The following GABRA3 variants were observed in gnomAD, a reference collection of about 807,000 sequenced individuals.
GABRA3 encodes the protein gamma-aminobutyric acid receptor subunit alpha-3.
In GABRA3, 10 loss-of-function variants were observed where a neutral mutation model predicts 30.1. The ratio of observed to expected loss-of-function variants is 0.33; its 90% CI spans 0.20 to 0.56. GABRA3 has a LOEUF of 0.56. Among genes scored for constraint, GABRA3 ranks in the 20% least tolerant of loss-of-function variants. The pLI is 0.89. For missense variants in GABRA3, 233 were observed against 392.0 expected (o/e 0.59, Z 3.42); for synonymous variants, 151 against 146.8 (o/e 1.03, Z -0.21).
intron 1 of GABRA3, among the ~76,000 whole-genome samples, chrX:152,414,136 A>G (rs1303326959): frequency 9.0e-6 from 1 of 111,549 alleles, no homozygotes; most frequent in African/African-American, 3.2e-5. Context: ...CATTCATCCC[A>G]AAGAAATGGA....
At chrX:152,332,367 C>T (rs901874972) in intron 3 of GABRA3, among the ~76,000 whole-genome samples, 15 of 111,584 alleles carry the variant, frequency 1.3e-4, no homozygotes, top group African/African-American at 4.9e-4. Context: ...TCAAAAAAAG[C>T]TATGCTAAGA....
intron 1 of GABRA3, among the ~76,000 whole-genome samples, chrX:152,421,626 T>C (rs1342811245): frequency 3.6e-5 from 4 of 111,510 alleles, no homozygotes; most frequent in Non-Finnish European, 7.5e-5. Flanking sequence ...TGGGAAAAGA[T>C]AACATGCAAT....
intron 4 of GABRA3, among the ~76,000 whole-genome samples, chrX:152,283,324 G>C (rs1047672247): frequency 9.0e-6 from 1 of 111,464 alleles, no homozygotes; most frequent in Non-Finnish European, 1.9e-5. Flanking sequence ...GGAAGCCATG[G>C]AGACTTGGTA....
At chrX:152,173,378 T>A (rs1360820001) in intron 9 of GABRA3, among the ~76,000 whole-genome samples, 2 of 110,907 alleles carry the variant, frequency 1.8e-5, no homozygotes, top group Non-Finnish European at 3.8e-5. Flanking sequence ...GGAAATCTCA[T>A]ACAATGGCTT....
chrX:152,416,723 T>C (rs1432215440), intron 1 of GABRA3, among the ~76,000 whole-genome samples: 1 of 110,419 alleles, frequency 9.1e-6, no homozygotes, highest in East Asian at 2.9e-4. Context: ...TAACACCACA[T>C]ATCTACAACT....
rs1037979689 is a variant in GABRA3, at chrX:152,167,084, T to A, written c.*1144A>T. 1 of 112,179 alleles carries A rather than the reference T, an allele frequency of 8.9e-6. No individual in the cohort carries two copies. The highest frequency in any genetic ancestry group is 3.2e-5 in the African/African-American group (1 of 30,825). 9.2% of individuals were successfully genotyped at this position (112,179 alleles called of 1,213,427 possible). A position where few individuals can be genotyped will look rare whatever the true frequency, so the allele number is the denominator to read the frequency against. On this transcript the variant is annotated 3_prime_UTR_variant, in exon 10 of 10. Coordinates refer to ENST00000370314, the MANE Select transcript of GABRA3 (RefSeq NM_000808.4). ...CTCAATATTGACTAGAGATATTTAT[T>A]TGTATGAATTTCCAATTCACCCCTC...
At chrX:152,343,256 G>C (rs1358479038) in intron 3 of GABRA3, among the ~76,000 whole-genome samples, 1 of 111,234 alleles carries the variant, frequency 9.0e-6, no homozygotes, top group Non-Finnish European at 1.9e-5. Context: ...GGCAGTTAAG[G>C]ATCAGCAATC....
intron 5 of GABRA3, among the ~76,000 whole-genome samples, chrX:152,228,665 CTT>C (rs1433150670): frequency 8.9e-6 from 1 of 111,768 alleles, no homozygotes; most frequent in Admixed American, 9.5e-5. Context: ...GTGTCTGGTT[CTT>C]TGAGTCATGA....
intron 3 of GABRA3, among the ~76,000 whole-genome samples, chrX:152,338,738 C>A (rs993684791): frequency 8.9e-6 from 1 of 111,942 alleles, no homozygotes; most frequent in Non-Finnish European, 1.9e-5. Context: ...GAGTTTCATT[C>A]TTCTGCATAT....
In GABRA3 at chrX:152,190,258, GA is replaced by G. The variant is rs1027810545; in HGVS notation, c.932-318del. On this transcript the variant is annotated intron_variant, in intron 8 of 9. Coordinates refer to ENST00000370314, the MANE Select transcript of GABRA3 (RefSeq NM_000808.4). ...TCATTGTAAGAGAGCATTTTAATTAGAAAAAAAAAAACTAGCTCACGAACTG... is the reference window on the plus strand; with the variant it reads ...TCATTGTAAGAGAGCATTTTAATTAGAAAAAAAAAACTAGCTCACGAACTG... 6.6e-4 allele frequency among the ~76,000 whole-genome samples: 67 copies of G among 102,007 alleles called. 1 individual carries two copies. Among genetic ancestry groups the G allele is most frequent in the African/African-American group, 1.9e-3 (53 of 28,160 alleles). The allele number at this position is 102,007 out of a possible 115,157, so 88.6% of individuals were successfully genotyped here.
intron 3 of GABRA3, among the ~76,000 whole-genome samples, chrX:152,293,995 C>A (rs369624963): frequency 1.8e-5 from 2 of 111,828 alleles, no homozygotes; most frequent in Non-Finnish European, 3.8e-5. Flanking sequence ...CCAAGAGATC[C>A]GCTGTTAGTC....
rs187226589 is a variant in GABRA3, at chrX:152,228,425, C to A, written c.552-3580G>T. On this transcript the variant is annotated intron_variant, in intron 5 of 9. Coordinates refer to ENST00000370314, the MANE Select transcript of GABRA3 (RefSeq NM_000808.4). Reference sequence around the variant, plus strand: ...TTTGCCCCTAATCAGAAATCACTACCTTTGCATCCTGCTTTGATAGTCTAT... The same window carrying A: ...TTTGCCCCTAATCAGAAATCACTACATTTGCATCCTGCTTTGATAGTCTAT... Among the ~76,000 whole-genome samples the A allele has an allele frequency of 1.0e-3, 117 of 111,474 alleles. 1 individual carries two copies. The highest frequency in any genetic ancestry group is 3.4e-3 in the African/African-American group (104 of 30,776).
chrX:152,288,043 T>G (rs758970745), intron 3 of GABRA3, among the ~76,000 whole-genome samples: 1 of 112,028 alleles, frequency 8.9e-6, no homozygotes, highest in African/African-American at 3.2e-5. Flanking sequence ...TGGCACCAGA[T>G]TTGCATCAAC....
At chrX:152,182,518 A>ATACACACTATATATGCATATATAGTG (rs1937171243) in intron 9 of GABRA3, among the ~76,000 whole-genome samples, 2 of 83,792 alleles carry the variant, frequency 2.4e-5, no homozygotes, top group Non-Finnish European at 4.5e-5. Context: ...TCTATATAGT[A>ATACACACTATATATGCATATATAGTG]TACACACTAT....
chrX:152,377,647 A>T (rs1017686948), intron 1 of GABRA3, among the ~76,000 whole-genome samples: 6 of 111,179 alleles, frequency 5.4e-5, no homozygotes, highest in Non-Finnish European at 9.4e-5. Context: ...AGGAAATTTT[A>T]AAAAAAAGAA....
chrX:152,298,883 C>T (rs1335434334), intron 3 of GABRA3, among the ~76,000 whole-genome samples: 1 of 111,776 alleles, frequency 8.9e-6, no homozygotes, highest in Non-Finnish European at 1.9e-5. Flanking sequence ...CTCTCCAGCA[C>T]CTGTTGTTTC....
chrX:152,230,227 T>C (rs1253780424), intron 5 of GABRA3, among the ~76,000 whole-genome samples: 1 of 111,604 alleles, frequency 9.0e-6, no homozygotes, highest in African/African-American at 3.2e-5. Flanking sequence ...AGAGGATAAA[T>C]TGTATGACAT....
chrX:152,168,943 A>T (rs1455262578), intron 9 of GABRA3, among the ~76,000 whole-genome samples: 1 of 112,175 alleles, frequency 8.9e-6, no homozygotes, highest in African/African-American at 3.2e-5. Flanking sequence ...GTGGAATCTT[A>T]TACATCATGT....
chrX:152,258,662 T>C (rs138777770), intron 4 of GABRA3, among the ~76,000 whole-genome samples: 2 of 111,880 alleles, frequency 1.8e-5, no homozygotes, highest in Non-Finnish European at 3.8e-5. Flanking sequence ...ATTTTTAAAA[T>C]TGCAAAACAG....
Sources: allele counts gnomAD v4.1 joint callset (sites outside exome capture counted in the v4.1 genomes callset), GRCh38; gene constraint gnomAD v4.1.1; transcripts MANE v1.5; gene names NCBI Gene and HGNC (gene_info 2026-07-23, HGNC 2026-07-21).